Variants in TENT5D observed in about 807,000 individuals in gnomAD.
TENT5D encodes the protein cancer/testis antigen 112.
For missense variants in TENT5D, 191 were observed against 287.0 expected, an observed-to-expected ratio of 0.67 and a Z score of 2.42; for synonymous variants, 103 against 100.6, an observed-to-expected ratio of 1.02 and a Z score of -0.15.
At chrX:80,357,449 C>T (rs1368898202) in intron 3 of TENT5D, among the ~76,000 whole-genome samples, 2 of 109,097 alleles carry the variant, frequency 1.8e-5, no homozygotes, top group Non-Finnish European at 3.8e-5. Flanking sequence ...TTAATGATCG[C>T]CATTCTAACT....
chrX:80,435,652 T>A (rs59503475), intron 1 of TENT5D, among the ~76,000 whole-genome samples: 1 of 112,386 alleles, frequency 8.9e-6, no homozygotes, highest in East Asian at 2.8e-4. Flanking sequence ...TTAGAACAAC[T>A]GATAAACACA....
chrX:80,437,103 C>A (rs1402481865), intron 1 of TENT5D, among the ~76,000 whole-genome samples: 1 of 112,084 alleles, frequency 8.9e-6, no homozygotes, highest in Admixed American at 9.5e-5. Flanking sequence ...TGCTTTATTC[C>A]TTTTACAGCT....
At chrX:80,377,439 A>G (rs961701578) in intron 3 of TENT5D, among the ~76,000 whole-genome samples, 1 of 110,798 alleles carries the variant, frequency 9.0e-6, no homozygotes, top group African/African-American at 3.3e-5. Context: ...CCTGTGTCCA[A>G]GTGTACTCAT....
chrX:80,407,283 C>T (rs1396022476), intron 3 of TENT5D, among the ~76,000 whole-genome samples: 1 of 110,619 alleles, frequency 9.0e-6, no homozygotes, highest in Non-Finnish European at 1.9e-5. Flanking sequence ...ACTAAATGCT[C>T]CAATTAAAAG....
At chrX:80,442,905 C>A in exon 3 of TENT5D, 1 of 1,210,909 alleles carries the variant, frequency 8.3e-7, no homozygotes, top group Non-Finnish European at 1.1e-6. Flanking sequence ...AAAAGCTCTC[C>A]CCAGATATCA....
chrX:80,413,918 G>A (rs1931720792), intron 3 of TENT5D, among the ~76,000 whole-genome samples: 1 of 112,469 alleles, frequency 8.9e-6, no homozygotes, highest in Non-Finnish European at 1.9e-5. Flanking sequence ...GCAAAGCAAA[G>A]AATTGCACAA....
chrX:80,436,426 T>C (rs1264716721), intron 1 of TENT5D, among the ~76,000 whole-genome samples: 1 of 110,911 alleles, frequency 9.0e-6, no homozygotes, highest in African/African-American at 3.3e-5. Context: ...AGTTCTGGGA[T>C]ACATGTGCAG....
intron 3 of TENT5D, among the ~76,000 whole-genome samples, chrX:80,378,218 T>C (rs1198123670): frequency 8.9e-6 from 1 of 111,916 alleles, no homozygotes; most frequent in East Asian, 2.8e-4. Context: ...TTTCTTTTGT[T>C]GTACAGAAAC....
At chrX:80,374,750 A>G (rs1930693074) in intron 3 of TENT5D, among the ~76,000 whole-genome samples, 1 of 111,624 alleles carries the variant, frequency 9.0e-6, no homozygotes, top group Non-Finnish European at 1.9e-5. Context: ...AACCTAACAT[A>G]TAGATATAGA....
Position 80,350,234 on chromosome X carries a change from A to G in TENT5D, c.-142+7670A>G, listed in dbSNP as rs1287139096. Reference sequence around the variant, plus strand: ...TTTCTGTCTTGTTGATCTGCCTAATATTGACAGTGGGGCGTTAAAGTCTCC... The same window carrying G: ...TTTCTGTCTTGTTGATCTGCCTAATGTTGACAGTGGGGCGTTAAAGTCTCC... On this transcript the variant is annotated intron_variant, in intron 3 of 4. Coordinates refer to the TENT5D transcript ENST00000538312. 3.6e-5 allele frequency among the ~76,000 whole-genome samples: 4 copies of G among 110,904 alleles called. No individual in the cohort carries two copies. The Admixed American group carries it at 3.8e-4, about 11-fold the overall frequency.
chrX:80,434,733 A>G (rs1374775035), intron 1 of TENT5D, among the ~76,000 whole-genome samples: 2 of 109,922 alleles, frequency 1.8e-5, no homozygotes, highest in African/African-American at 3.3e-5. Flanking sequence ...GACTAATACT[A>G]TAAGTGAACA....
At chrX:80,359,499 A>G (rs1930362270) in intron 3 of TENT5D, among the ~76,000 whole-genome samples, 1 of 111,767 alleles carries the variant, frequency 8.9e-6, no homozygotes, top group African/African-American at 3.3e-5. Flanking sequence ...TCGTGGATGA[A>G]GCTGGAAACC....
chrX:80,439,045 T>C (rs974704145), intron 2 of TENT5D, among the ~76,000 whole-genome samples: 5 of 111,148 alleles, frequency 4.5e-5, no homozygotes, highest in Non-Finnish European at 9.5e-5. Context: ...TTAGGCTAGA[T>C]GGGAAAAATG....
At chrX:80,337,135 G>A (rs1018268666) in intron 2 of TENT5D, among the ~76,000 whole-genome samples, 5 of 111,209 alleles carry the variant, frequency 4.5e-5, no homozygotes, top group African/African-American at 1.3e-4. Context: ...TAAAAGCAAC[G>A]AACAAATCTG....
At chrX:80,434,032 G>A (rs1932135728) in intron 1 of TENT5D, among the ~76,000 whole-genome samples, 1 of 109,372 alleles carries the variant, frequency 9.1e-6, no homozygotes, top group Non-Finnish European at 1.9e-5. Flanking sequence ...AGCTACCCAG[G>A]AGGCTGAGGC....
At chrX:80,397,615 G>A (rs1287766889) in intron 3 of TENT5D, among the ~76,000 whole-genome samples, 6 of 107,366 alleles carry the variant, frequency 5.6e-5, no homozygotes, top group Admixed American at 3.0e-4. Flanking sequence ...CCGAGATCAC[G>A]CCACTGCACT....
At chrX:80,405,199 C>A (rs1418809852) in intron 3 of TENT5D, among the ~76,000 whole-genome samples, 1 of 112,541 alleles carries the variant, frequency 8.9e-6, no homozygotes, top group Non-Finnish European at 1.9e-5. Flanking sequence ...GAATTAAAAT[C>A]TCTTATAATT....
At chrX:80,365,447 G>A (rs1930488071) in intron 3 of TENT5D, among the ~76,000 whole-genome samples, 2 of 110,827 alleles carry the variant, frequency 1.8e-5, no homozygotes, top group Admixed American at 9.7e-5. Context: ...TTCATGGCTT[G>A]GTGTTTACTT....
At chrX:80,351,780 G>A (rs1350856654) in intron 3 of TENT5D, among the ~76,000 whole-genome samples, 3 of 111,530 alleles carry the variant, frequency 2.7e-5, no homozygotes, top group Admixed American at 9.5e-5. Flanking sequence ...CCTCGTGTTC[G>A]TGGATTTATC....
Sources: gnomAD v4.1 joint callset for allele counts (sites outside exome capture counted in the v4.1 genomes callset) on GRCh38, gnomAD v4.1.1 for gene constraint, MANE v1.5 for transcripts, NCBI Gene and HGNC (gene_info 2026-07-23, HGNC 2026-07-21) for gene names.